Variants in LRRFIP2 observed in about 807,000 individuals in gnomAD.
LRRFIP2 encodes the protein LRR binding FLII interacting protein 2, also known as leucine-rich repeat flightless-interacting protein 2.
A neutral mutation model predicts 125.9 loss-of-function variants in LRRFIP2; 109 were observed. That is an observed-to-expected ratio of 0.87 (90% confidence interval 0.74 to 1.01). LRRFIP2 has a LOEUF of 1.01. LRRFIP2 is among the 50% of genes least tolerant of loss of function. The pLI, the probability that LRRFIP2 is intolerant of heterozygous loss-of-function variation, is 0.00. For missense variants in LRRFIP2, 850 were observed against 862.3 expected (o/e 0.99, Z 0.18); for synonymous variants, 291 against 293.1 (o/e 0.99, Z 0.07).
intron 6 of LRRFIP2, among the ~76,000 whole-genome samples, chr3:37,115,599 C>T (rs1408288380): frequency 6.6e-6 from 1 of 152,216 alleles, no homozygotes; most frequent in Non-Finnish European, 1.5e-5. Context: ...GGGGAACATT[C>T]CCTTGGATCT....
chr3:37,095,576 T>C (rs1204945684), intron 16 of LRRFIP2, among the ~76,000 whole-genome samples: 2 of 152,208 alleles, frequency 1.3e-5, no homozygotes, highest in Non-Finnish European at 2.9e-5. Flanking sequence ...ATACCAGATT[T>C]TGAAGGCTTA....
At chr3:37,075,204 A>T in intron 19 of LRRFIP2, 88 bp from the exon 20 acceptor site, 1 of 743,138 alleles carries the variant, frequency 1.3e-6, no homozygotes, top group East Asian at 2.7e-5. Flanking sequence ...GTTAAGTATG[A>T]CCTCCAGAAA....
At chr3:37,146,963 C>T (rs546047178) in intron 2 of LRRFIP2, among the ~76,000 whole-genome samples, 7 of 152,030 alleles carry the variant, frequency 4.6e-5, no homozygotes, top group African/African-American at 1.7e-4. Flanking sequence ...TGCAATCTAT[C>T]CATTTGACAA....
chr3:37,078,357 A>C (rs759654392), intron 19 of LRRFIP2, among the ~76,000 whole-genome samples: 2 of 152,136 alleles, frequency 1.3e-5, no homozygotes, highest in African/African-American at 2.4e-5. Context: ...CAAAATAAAA[A>C]TCTTTTAACT....
chr3:37,111,737 C>A (rs1311698516), intron 8 of LRRFIP2: 1 of 152,224 alleles, frequency 6.6e-6, no homozygotes, highest in Non-Finnish European at 1.5e-5. Flanking sequence ...CATCCCTACT[C>A]CCACCCCATC....
At chr3:37,095,399 C>G (rs1036579727) in intron 16 of LRRFIP2, among the ~76,000 whole-genome samples, 3 of 152,164 alleles carry the variant, frequency 2.0e-5, no homozygotes, top group Admixed American at 6.5e-5. Context: ...CTGGATATCA[C>G]TATGAATGTA....
chr3:37,053,764 A>T lies in LRRFIP2; in HGVS notation c.*87T>A. On this transcript the variant is annotated 3_prime_UTR_variant, in exon 28 of 28. Transcript: ENST00000336686. ...TTTTAATGACAAAACTCAAAACAGTACTAAAAGGGGTTTGTGTCAATGGAC... is the reference window on the plus strand; with the variant it reads ...TTTTAATGACAAAACTCAAAACAGTTCTAAAAGGGGTTTGTGTCAATGGAC... 1.2e-6 allele frequency: 1 copy of T among 813,340 alleles called. No homozygotes were observed. Among genetic ancestry groups the T allele is most frequent in the Non-Finnish European group, 2.2e-6 (1 of 464,964 alleles). The allele number at this position is 813,340 out of a possible 1,614,324, so 50.4% of individuals were successfully genotyped here.
intron 14 of LRRFIP2, among the ~76,000 whole-genome samples, chr3:37,104,722 T>C (rs2094231356): frequency 6.6e-6 from 1 of 152,226 alleles, no homozygotes; most frequent in Admixed American, 6.5e-5. Context: ...AAGAATAACC[T>C]GAAATTATAT....
At chr3:37,149,984 G>C (rs2095972801) in intron 1 of LRRFIP2, among the ~76,000 whole-genome samples, 1 of 151,172 alleles carries the variant, frequency 6.6e-6, no homozygotes, top group Non-Finnish European at 1.5e-5. Flanking sequence ...CTGGGTGACA[G>C]AGAGAGACTC....
intron 2 of LRRFIP2, among the ~76,000 whole-genome samples, chr3:37,138,121 A>G (rs1245556742): frequency 6.6e-6 from 1 of 152,254 alleles, no homozygotes; most frequent in Non-Finnish European, 1.5e-5. Context: ...ACCTGAAACA[A>G]GGAACAAGTG....
intron 6 of LRRFIP2, among the ~76,000 whole-genome samples, chr3:37,118,477 T>G (rs767856542): frequency 1.3e-5 from 2 of 152,260 alleles, no homozygotes; most frequent in Non-Finnish European, 2.9e-5. Context: ...AATCCAATCA[T>G]TATACAAAAC....
chr3:37,105,701 A>G (rs556060555), intron 13 of LRRFIP2, among the ~76,000 whole-genome samples, 178 bp from the exon 14 acceptor site: 115 of 152,294 alleles, frequency 7.6e-4, no homozygotes, highest in African/African-American at 2.8e-3. Context: ...GGCATAATAA[A>G]CTGTTATTAA....
At chr3:37,125,192 G>A (rs1427301180) in intron 4 of LRRFIP2, among the ~76,000 whole-genome samples, 1 of 152,098 alleles carries the variant, frequency 6.6e-6, no homozygotes, top group African/African-American at 2.4e-5. Flanking sequence ...GAATATACCT[G>A]GCCATCTTTT....
rs537612512 is a variant in LRRFIP2, at chr3:37,118,457, C to T, written c.330+3035G>A. ...TGACCAAGCAGCTACTAATGTTCTGCACTATTAATAATCCAATCATTATAC... is the reference window on the plus strand; with the variant it reads ...TGACCAAGCAGCTACTAATGTTCTGTACTATTAATAATCCAATCATTATAC... On this transcript the variant is annotated intron_variant, in intron 6 of 27. Coordinates refer to ENST00000336686, the MANE Select transcript of LRRFIP2 (RefSeq NM_006309.4). Among the ~76,000 whole-genome samples the T allele has an allele frequency of 1.6e-4, 25 of 152,294 alleles. No homozygotes were observed. In the South Asian group the frequency reaches 5.0e-3, roughly 30 times the overall value.
chr3:37,087,745 T>A (rs1206387766), intron 18 of LRRFIP2, among the ~76,000 whole-genome samples: 1 of 152,302 alleles, frequency 6.6e-6, no homozygotes, highest in Non-Finnish European at 1.5e-5. Context: ...CCCGCCACCA[T>A]GCCTGGCTAG....
Position 37,052,692 on chromosome 3 carries a change from T to G in LRRFIP2, c.*1159A>C, listed in dbSNP as rs2085875764. The G allele has an allele frequency of 1.3e-5, 2 of 149,540 alleles. No individual in the cohort carries two copies. Among genetic ancestry groups the G allele is most frequent in the Admixed American group, 1.3e-4 (2 of 15,208 alleles). The allele number at this position is 149,540 out of a possible 1,614,324, so 9.3% of individuals were successfully genotyped here. A position where few individuals can be genotyped will look rare whatever the true frequency, so the allele number is the denominator to read the frequency against. ...CTTTTTAAAGTCTAGTTTTATTATC[T>G]TATGTGCCTTTAGTCACTAGATTTT... On this transcript the variant is annotated 3_prime_UTR_variant, in exon 28 of 28. Coordinates refer to ENST00000336686, the MANE Select transcript of LRRFIP2 (RefSeq NM_006309.4).
chr3:37,054,377 A>T (rs749726305), intron 27 of LRRFIP2, 34 bp downstream of exon 27: 18 of 1,505,190 alleles, frequency 1.2e-5, no homozygotes, highest in African/African-American at 2.8e-5. Flanking sequence ...CTTTTTAGGA[A>T]TGTATTCTCC....
At chr3:37,125,564 A>G (rs1018953587) in intron 4 of LRRFIP2, among the ~76,000 whole-genome samples, 1 of 152,240 alleles carries the variant, frequency 6.6e-6, no homozygotes, top group Non-Finnish European at 1.5e-5. Flanking sequence ...AAATTGAGAC[A>G]GTAATACTGT....
intron 21 of LRRFIP2, among the ~76,000 whole-genome samples, chr3:37,072,501 CAAAAAAAAAAAA>C (rs907848276): frequency 5.2e-4 from 18 of 34,492 alleles, no homozygotes; most frequent in Admixed American, 2.4e-3. Context: ...GACTCCGTCT[CAAAAAAAAAAAA>C]AAAAAAAAAA....
Sources: allele counts gnomAD v4.1 joint callset (sites outside exome capture counted in the v4.1 genomes callset), GRCh38; gene constraint gnomAD v4.1.1; transcripts MANE v1.5; gene names NCBI Gene and HGNC (gene_info 2026-07-23, HGNC 2026-07-21).